FRMD5: variants seen among roughly 807,000 people sequenced by gnomAD.
FRMD5 encodes the protein FERM domain-containing protein 5.
Under a neutral mutation model 69.0 loss-of-function variants are expected in FRMD5, and 20 were observed. The observed-to-expected ratio is 0.29, with a 90% CI of 0.20 to 0.42. FRMD5 has a LOEUF of 0.42. FRMD5 is among the 10% of genes least tolerant of loss of function. The pLI is 1.00. For synonymous variants in FRMD5, 271 were observed against 260.1 expected, an observed-to-expected ratio of 1.04 and a Z score of -0.40; for missense variants, 595 against 708.6, an observed-to-expected ratio of 0.84 and a Z score of 1.82.
chr15:43,917,813 G>A (rs896021207), intron 4 of FRMD5: 1 of 152,400 alleles, frequency 6.6e-6, no homozygotes, highest in African/African-American at 2.4e-5. Flanking sequence ...GATGAGCAGA[G>A]CCTGGGGCTT....
At chr15:43,962,734 C>G (rs930777779) in intron 1 of FRMD5, among the ~76,000 whole-genome samples, 5 of 152,084 alleles carry the variant, frequency 3.3e-5, no homozygotes, top group Admixed American at 3.3e-4. Flanking sequence ...CAGAACAGAG[C>G]CCTCAGAAAT....
intron 1 of FRMD5, among the ~76,000 whole-genome samples, chr15:44,114,310 CA>C (rs2076839513): frequency 6.6e-6 from 1 of 152,196 alleles, no homozygotes; most frequent in Non-Finnish European, 1.5e-5. Context: ...TACTATAAAG[CA>C]AACTTAATAC....
At chr15:43,982,094 T>G (rs1389777586) in intron 1 of FRMD5, among the ~76,000 whole-genome samples, 2 of 152,242 alleles carry the variant, frequency 1.3e-5, no homozygotes, top group Admixed American at 1.3e-4. Flanking sequence ...ACTTTCATGA[T>G]GTTCTCTCTA....
intron 1 of FRMD5, among the ~76,000 whole-genome samples, chr15:44,165,404 CGAGT>C (rs2077693055): frequency 1.3e-5 from 2 of 151,494 alleles, no homozygotes; most frequent in South Asian, 2.1e-4. Context: ...CCTAGGCGAC[CGAGT>C]GAGACTCCAT....
At chr15:43,959,324 C>T (rs563133758) in intron 1 of FRMD5, among the ~76,000 whole-genome samples, 57 of 152,140 alleles carry the variant, frequency 3.7e-4, no homozygotes, top group African/African-American at 1.3e-3. Context: ...GTTTCGAAGA[C>T]GAAATATTTT....
At chr15:44,023,211 T>G (rs572318864) in intron 1 of FRMD5, among the ~76,000 whole-genome samples, 1 of 152,192 alleles carries the variant, frequency 6.6e-6, no homozygotes. Flanking sequence ...ACCATCTAGA[T>G]GATACCTGAA....
At chr15:44,002,333 T>C (rs994962619) in intron 1 of FRMD5, among the ~76,000 whole-genome samples, 11 of 152,156 alleles carry the variant, frequency 7.2e-5, no homozygotes, top group Non-Finnish European at 1.3e-4. Context: ...TTTATATCCA[T>C]TTCTGTATCT....
chr15:44,073,941 C>T (rs942246731), intron 1 of FRMD5, among the ~76,000 whole-genome samples: 5 of 151,994 alleles, frequency 3.3e-5, no homozygotes, highest in African/African-American at 9.7e-5. Context: ...GGATTCTATC[C>T]ATAAATTCTG....
At chr15:44,042,217 C>T (rs1166131720) in intron 1 of FRMD5, among the ~76,000 whole-genome samples, 8 of 152,146 alleles carry the variant, frequency 5.3e-5, no homozygotes, top group Non-Finnish European at 1.2e-4. Context: ...ATACACCCTC[C>T]TAAGACTAAA....
intron 1 of FRMD5, among the ~76,000 whole-genome samples, chr15:44,153,941 C>G (rs1036594681): frequency 2.3e-4 from 35 of 151,988 alleles, no homozygotes; most frequent in African/African-American, 8.2e-4. Context: ...GCACTCCAGC[C>G]TAGGTGACGA....
intron 1 of FRMD5, among the ~76,000 whole-genome samples, chr15:44,015,495 A>G (rs907860842): frequency 6.6e-6 from 1 of 152,204 alleles, no homozygotes; most frequent in African/African-American, 2.4e-5. Flanking sequence ...AATATAAAAT[A>G]TATCTTCTTT....
chr15:44,035,173 G>A (rs1355086811), intron 1 of FRMD5, among the ~76,000 whole-genome samples: 1 of 151,970 alleles, frequency 6.6e-6, no homozygotes, highest in Admixed American at 6.5e-5. Flanking sequence ...ACTCTTCCGG[G>A]GCTAAGTCAC....
At chr15:44,132,974 G>A (rs915699968) in intron 1 of FRMD5, among the ~76,000 whole-genome samples, 1 of 151,272 alleles carries the variant, frequency 6.6e-6, no homozygotes, top group Non-Finnish European at 1.5e-5. Flanking sequence ...CGTTAGCCGG[G>A]ATGGTCTCAA....
chr15:43,897,100 C>G (rs2088928404), intron 7 of FRMD5, among the ~76,000 whole-genome samples: 1 of 152,020 alleles, frequency 6.6e-6, no homozygotes. Flanking sequence ...TTCTTCATTT[C>G]AGCAGTAAAT....
chr15:44,150,989 G>C (rs1478823442), intron 1 of FRMD5, among the ~76,000 whole-genome samples: 2 of 152,070 alleles, frequency 1.3e-5, no homozygotes, highest in East Asian at 3.9e-4. Flanking sequence ...CTACTTGGGA[G>C]GCTGAGGCAG....
rs2088245093 is a variant in FRMD5 at position 43,874,061 on chromosome 15, AGAG to A, written c.1534_1536del (p.Leu512del). On this transcript the variant is annotated inframe_deletion, in exon 14 of 14. Transcript: ENST00000417257. The stretch of plus-strand genomic sequence containing the variant: ...ATGATCAGGAGGAGGAGCAAAACAA[AGAG>A]GAGTCCCATGGTCACAAGGAGCAAA... The A allele has an allele frequency of 6.2e-7, 1 of 1,614,254 alleles. No homozygotes were observed. Among genetic ancestry groups the A allele is most frequent in the Non-Finnish European group, 8.5e-7 (1 of 1,180,048 alleles).
intron 7 of FRMD5, among the ~76,000 whole-genome samples, chr15:43,900,760 G>C (rs1460707726): frequency 1.3e-5 from 2 of 151,960 alleles, no homozygotes; most frequent in African/African-American, 2.4e-5. Context: ...TGGGATTACA[G>C]TCATGTGTCA....
intron 1 of FRMD5, among the ~76,000 whole-genome samples, chr15:43,926,725 A>G (rs1043102639): frequency 2.6e-5 from 4 of 151,844 alleles, no homozygotes; most frequent in Non-Finnish European, 5.9e-5. Context: ...TGAGACAGGA[A>G]TAATACAGGG....
intron 1 of FRMD5, among the ~76,000 whole-genome samples, chr15:43,984,758 T>G (rs895601629): frequency 6.6e-6 from 1 of 151,148 alleles, no homozygotes; most frequent in Non-Finnish European, 1.5e-5. Context: ...CCGAGGTGGG[T>G]GGATCACTTG....
Sources: allele counts gnomAD v4.1 joint callset (sites outside exome capture counted in the v4.1 genomes callset), GRCh38; gene constraint gnomAD v4.1.1; transcripts MANE v1.5; gene names NCBI Gene and HGNC (gene_info 2026-07-23, HGNC 2026-07-21).